RLF: variants seen among roughly 807,000 people sequenced by gnomAD.
RLF encodes RLF zinc finger.
A neutral mutation model predicts 162.9 loss-of-function variants in RLF; 7 were observed. The ratio of observed to expected loss-of-function variants is 0.04; its 90% CI spans 0.02 to 0.08. The LOEUF is 0.08. Ranked by LOEUF, RLF falls within the 10% of genes least tolerant of loss-of-function variation. The pLI is 1.00. For missense variants in RLF, 1,664 were observed against 2,244.7 expected (o/e 0.74, Z 5.23); for synonymous variants, 782 against 791.5 (o/e 0.99, Z 0.20).
intron 1 of RLF, among the ~76,000 whole-genome samples, chr1:40,184,995 G>A (rs531163493): frequency 2.9e-3 from 437 of 152,236 alleles, no homozygotes; most frequent in African/African-American, 0.01. Flanking sequence ...CCAGCACTTT[G>A]AGAGGCCAAG....
intron 1 of RLF, among the ~76,000 whole-genome samples, chr1:40,176,810 G>A (rs561012982): frequency 6.6e-6 from 1 of 152,230 alleles, no homozygotes; most frequent in South Asian, 2.1e-4. Flanking sequence ...TTGACGAAGT[G>A]TCCAAATCTT....
chr1:40,171,274 C>A (rs957488407), intron 1 of RLF, among the ~76,000 whole-genome samples: 2 of 152,126 alleles, frequency 1.3e-5, no homozygotes, highest in East Asian at 3.9e-4. Context: ...AGTGATCCTC[C>A]CACCTCAGCC....
intron 2 of RLF, 112 bp from the exon 3 acceptor site, chr1:40,190,660 A>C: frequency 1.5e-6 from 1 of 689,204 alleles, no homozygotes; most frequent in East Asian, 3.0e-5. Context: ...TTGAAGAGTA[A>C]AAACATTTAA....
chr1:40,200,588 C>G, intron 4 of RLF, among the ~76,000 whole-genome samples: 1 of 151,874 alleles, frequency 6.6e-6, no homozygotes, highest in East Asian at 1.9e-4. Context: ...TATTAAGTGG[C>G]AAAAGAAAAT....
intron 3 of RLF, among the ~76,000 whole-genome samples, chr1:40,191,391 A>G (rs1219715447): frequency 2.0e-5 from 3 of 152,084 alleles, no homozygotes; most frequent in Non-Finnish European, 2.9e-5. Context: ...TACAAATATT[A>G]GCCGGGCATG....
chr1:40,232,203 G>T (rs1044685710), intron 7 of RLF, among the ~76,000 whole-genome samples: 2 of 149,018 alleles, frequency 1.3e-5, no homozygotes, highest in African/African-American at 5.0e-5. Flanking sequence ...GTGAGACTTG[G>T]TCTTTTTTTT....
At chr1:40,209,658 A>G (rs377138140) in intron 5 of RLF, among the ~76,000 whole-genome samples, 1 of 152,158 alleles carries the variant, frequency 6.6e-6, no homozygotes, top group Non-Finnish European at 1.5e-5. Flanking sequence ...CGGGCAGATC[A>G]TGAGATCAGG....
intron 6 of RLF, among the ~76,000 whole-genome samples, chr1:40,227,894 TAGGGAGGCTGAGGC>T (rs1643098705): frequency 6.6e-6 from 1 of 151,886 alleles, no homozygotes; most frequent in Non-Finnish European, 1.5e-5. Context: ...TCACAGCTAC[TAGGGAGGCTGAGGC>T]AGGAGAATCG....
chr1:40,227,967 C>T (rs1643099999), intron 6 of RLF, among the ~76,000 whole-genome samples: 1 of 151,920 alleles, frequency 6.6e-6, no homozygotes, highest in African/African-American at 2.4e-5. Flanking sequence ...CGCACCACTG[C>T]ACTCCAGCCT....
rs374763619 is a variant in RLF, at chr1:40,171,871, T to C, written c.237+10235T>C. 9.8e-5 allele frequency among the ~76,000 whole-genome samples: 15 copies of C among 152,324 alleles called. No homozygotes were observed. In the East Asian group the frequency reaches 1.2e-3, roughly 12 times the overall value. ...AAAGCTCCTGTCATATACACTCTTA[T>C]GTATTCCAGTACTACCTTTTCCTAG... is the stretch of plus-strand genomic sequence containing the variant. On this transcript the variant is annotated intron_variant, in intron 1 of 7. Transcript: ENST00000372771.
At chr1:40,224,622 GC>G (rs1557757510) in intron 6 of RLF, among the ~76,000 whole-genome samples, 1 of 13,504 alleles carries the variant, frequency 7.4e-5, no homozygotes, top group African/African-American at 2.6e-4. Context: ...GTTTTTGAAA[GC>G]TTTTTTTTTT....
intron 1 of RLF, among the ~76,000 whole-genome samples, chr1:40,164,138 T>C (rs1642135204): frequency 6.6e-6 from 1 of 152,206 alleles, no homozygotes; most frequent in Non-Finnish European, 1.5e-5. Flanking sequence ...TATATAAAGA[T>C]AGATTGTAGG....
chr1:40,194,793 G>T (rs564317357), intron 3 of RLF, among the ~76,000 whole-genome samples: 1 of 149,004 alleles, frequency 6.7e-6, no homozygotes, highest in Admixed American at 6.9e-5. Flanking sequence ...CTTTTACTTA[G>T]TGAAAACATC....
Position 40,209,097 on chromosome 1 carries a change from A to G in RLF, c.810+6483A>G, listed in dbSNP as rs1333722734. On this transcript the variant is annotated intron_variant, in intron 5 of 7. Coordinates refer to ENST00000372771, the MANE Select transcript of RLF (RefSeq NM_012421.4). ...GTTTTTATTTCTTTTGTTTACCCAG[A>G]GGGGAAACTTCAGAAAAGATGGGAG... Among the ~76,000 whole-genome samples, 3 of 152,174 alleles carry G rather than the reference A, an allele frequency of 2.0e-5. No individual in the cohort carries two copies. In the East Asian group the frequency reaches 5.8e-4, roughly 29 times the overall value.
chr1:40,198,654 A>G (rs1199638752), intron 4 of RLF, among the ~76,000 whole-genome samples: 2 of 152,192 alleles, frequency 1.3e-5, no homozygotes, highest in African/African-American at 4.8e-5. Flanking sequence ...AATGAAGTAT[A>G]TAGTATAAGA....
chr1:40,221,876 G>A (rs1643001502), intron 5 of RLF, among the ~76,000 whole-genome samples: 1 of 132,626 alleles, frequency 7.5e-6, no homozygotes, highest in East Asian at 2.1e-4. Flanking sequence ...CTCCGGCCTG[G>A]GCGACACAGC....
Position 40,204,027 on chromosome 1 carries a change from C to CCT in RLF, c.810+1420_810+1421dup, listed in dbSNP as rs1275091549. ...TTATCACTCTCAAAGAGCGAGAGGT[C>CCT]CTCTCTCTTTTTTTTTTTTTTTTTT... On this transcript the variant is annotated intron_variant, in intron 5 of 7. Transcript: ENST00000372771. Among the ~76,000 whole-genome samples the CCT allele has an allele frequency of 9.4e-5, 14 of 149,712 alleles. 1 individual carries two copies. The highest frequency in any genetic ancestry group is 3.9e-4 in the East Asian group (2 of 5,156).
intron 4 of RLF, among the ~76,000 whole-genome samples, chr1:40,197,836 CTT>C (rs1642657839): frequency 6.6e-6 from 1 of 152,152 alleles, no homozygotes; most frequent in African/African-American, 2.4e-5. Flanking sequence ...AAAAAGCTTT[CTT>C]TATATCTCTG....
chr1:40,222,746 G>T (rs1273014963), intron 6 of RLF, 36 bp downstream of exon 6: 1 of 1,570,856 alleles, frequency 6.4e-7, no homozygotes, highest in Admixed American at 1.7e-5. Flanking sequence ...TTATTTGTTA[G>T]TACATAGTAT....
Sources: gnomAD v4.1 joint callset for allele counts (sites outside exome capture counted in the v4.1 genomes callset) on GRCh38, gnomAD v4.1.1 for gene constraint, MANE v1.5 for transcripts, NCBI Gene and HGNC (gene_info 2026-07-23, HGNC 2026-07-21) for gene names.